CNTNAP2: variants seen among roughly 807,000 people sequenced by gnomAD.
CNTNAP2 encodes the protein contactin-associated protein-like 2.
CNTNAP2 carries 98 observed loss-of-function variants against 155.2 expected under a neutral mutation model. That is an observed-to-expected ratio of 0.63 (90% CI 0.54 to 0.75). The LOEUF (loss-of-function observed/expected upper bound fraction) is 0.75, where lower values mean the gene tolerates loss of function less well. Ranked by LOEUF, CNTNAP2 falls within the 30% of genes least tolerant of loss-of-function variation. The probability of loss-of-function intolerance (pLI) is 0.00; values close to 1 mark genes in which losing one functional copy is unlikely to be tolerated. For synonymous variants in CNTNAP2, 651 were observed against 631.2 expected (o/e 1.03, Z -0.47); for missense variants, 1,727 against 1,688.1 (o/e 1.02, Z -0.40).
intron 1 of CNTNAP2, among the ~76,000 whole-genome samples, chr7:146,130,406 G>A (rs1357893414): frequency 6.6e-6 from 1 of 152,200 alleles, no homozygotes; most frequent in Non-Finnish European, 1.5e-5. Context: ...GGAGTTCAAA[G>A]CTACAGTGAA....
chr7:146,540,799 T>C (rs1797941711), intron 1 of CNTNAP2, among the ~76,000 whole-genome samples: 1 of 152,048 alleles, frequency 6.6e-6, no homozygotes, highest in African/African-American at 2.4e-5. Context: ...TTTAACTTAC[T>C]GTTAGAAAAA....
At chr7:147,201,076 A>G (rs1802912778) in intron 8 of CNTNAP2, among the ~76,000 whole-genome samples, 1 of 152,226 alleles carries the variant, frequency 6.6e-6, no homozygotes, top group Non-Finnish European at 1.5e-5. Flanking sequence ...AGTGGAGGCT[A>G]AAGCCTAATT....
chr7:146,640,984 C>A (rs1483594419), intron 1 of CNTNAP2, among the ~76,000 whole-genome samples: 2 of 152,008 alleles, frequency 1.3e-5, no homozygotes, highest in Non-Finnish European at 2.9e-5. Flanking sequence ...TAAGTAAAAG[C>A]CTAACAAGAA....
chr7:147,079,607 GATA>G (rs199892012), intron 4 of CNTNAP2, among the ~76,000 whole-genome samples: 2,865 of 147,366 alleles, frequency 0.019, 48 homozygotes, highest in Non-Finnish European at 0.028. Flanking sequence ...TAATAATAAT[GATA>G]ATAATAATAA....
At chr7:148,062,801 T>C (rs1378563312) in intron 15 of CNTNAP2, among the ~76,000 whole-genome samples, 1 of 152,110 alleles carries the variant, frequency 6.6e-6, no homozygotes, top group African/African-American at 2.4e-5. Flanking sequence ...TATGTGATGA[T>C]GTAAGAGCAG....
chr7:148,391,289 A>AAAT (rs954101489), intron 22 of CNTNAP2, among the ~76,000 whole-genome samples: 1 of 152,238 alleles, frequency 6.6e-6, no homozygotes, highest in African/African-American at 2.4e-5. Context: ...ATGTCAAGAA[A>AAAT]AATATGAAGG....
intron 21 of CNTNAP2, among the ~76,000 whole-genome samples, chr7:148,335,399 G>A (rs1798100051): frequency 6.6e-6 from 1 of 152,150 alleles, no homozygotes; most frequent in Admixed American, 6.5e-5. Context: ...CTGTTGCTGA[G>A]TGCTGCCAAT....
intron 10 of CNTNAP2, among the ~76,000 whole-genome samples, chr7:147,425,509 C>T (rs1797364466): frequency 6.6e-6 from 1 of 152,008 alleles, no homozygotes; most frequent in Non-Finnish European, 1.5e-5. Flanking sequence ...CAAAATATTC[C>T]ATAAATATCT....
intron 1 of CNTNAP2, among the ~76,000 whole-genome samples, chr7:146,390,493 C>G (rs1259963759): frequency 6.6e-6 from 1 of 151,416 alleles, no homozygotes; most frequent in African/African-American, 2.4e-5. Flanking sequence ...TACAAAGCAA[C>G]CTGCTTAAAC....
chr7:146,184,601 G>T (rs563144854), intron 1 of CNTNAP2, among the ~76,000 whole-genome samples: 1 of 152,156 alleles, frequency 6.6e-6, no homozygotes, highest in Non-Finnish European at 1.5e-5. Context: ...AATACCATAC[G>T]TAGAAGGATT....
In CNTNAP2 at chr7:148,366,770, T is replaced by C. The variant is rs560458472; in HGVS notation, c.3476-16879T>C. 2.0e-5 allele frequency among the ~76,000 whole-genome samples: 3 copies of C among 152,262 alleles called. No homozygotes were observed. The South Asian group carries it at 6.2e-4, about 32-fold the overall frequency. On this transcript the variant is annotated intron_variant, in intron 21 of 23. Transcript: ENST00000361727. ...TACTTTTGCAGAAAGGCAACCATGC[T>C]GTAGAGTCAGTAGCAGAGTTTTCAC...
At chr7:146,173,208 C>G (rs1200139840) in intron 1 of CNTNAP2, among the ~76,000 whole-genome samples, 3 of 151,992 alleles carry the variant, frequency 2.0e-5, no homozygotes, top group Non-Finnish European at 4.4e-5. Flanking sequence ...GTTCAGTTAC[C>G]TTAAGCCTTT....
intron 9 of CNTNAP2, among the ~76,000 whole-genome samples, chr7:147,359,880 C>T (rs1266905587): frequency 6.6e-6 from 1 of 152,086 alleles, no homozygotes; most frequent in Non-Finnish European, 1.5e-5. Context: ...AAAACTCTTA[C>T]CTCTCCTAAT....
chr7:148,311,448 T>C lies in CNTNAP2; in HGVS notation c.3475+44322T>C, dbSNP rs532556357. Among the ~76,000 whole-genome samples the C allele has an allele frequency of 4.0e-5, 6 of 151,026 alleles. 1 individual carries two copies. Among genetic ancestry groups the C allele is most frequent in the African/African-American group, 9.9e-5 (4 of 40,542 alleles). On this transcript the variant is annotated intron_variant, in intron 21 of 23. Transcript: ENST00000361727. Reference sequence around the variant, plus strand: ...GGAGAGGTAGAGGGTGGCAGAGGAATGGGAATGAGAATAAAAGTGAGTATA... The same window carrying C: ...GGAGAGGTAGAGGGTGGCAGAGGAACGGGAATGAGAATAAAAGTGAGTATA...
intron 3 of CNTNAP2, among the ~76,000 whole-genome samples, chr7:147,026,355 C>T (rs1426894928): frequency 1.3e-5 from 2 of 152,012 alleles, no homozygotes; most frequent in Non-Finnish European, 2.9e-5. Context: ...ATGATAGGAT[C>T]CCAAAGTATA....
At chr7:146,660,859 A>G (rs759566961) in intron 1 of CNTNAP2, among the ~76,000 whole-genome samples, 3 of 152,228 alleles carry the variant, frequency 2.0e-5, no homozygotes, top group Middle Eastern at 3.2e-3. Context: ...GAACACACCC[A>G]GTCCCTCAAC....
At chr7:146,288,052 C>T (rs962699253) in intron 1 of CNTNAP2, among the ~76,000 whole-genome samples, 2 of 152,076 alleles carry the variant, frequency 1.3e-5, no homozygotes, top group Non-Finnish European at 2.9e-5. Context: ...CAGTGGCCCA[C>T]ACCCATAATT....
intron 13 of CNTNAP2, among the ~76,000 whole-genome samples, chr7:147,650,962 A>G (rs890370512): frequency 5.9e-5 from 9 of 152,270 alleles, no homozygotes; most frequent in African/African-American, 2.2e-4. Context: ...AAACATTTTG[A>G]TATGTGTATT....
At chr7:147,654,452 A>G (rs1795494829) in intron 13 of CNTNAP2, among the ~76,000 whole-genome samples, 1 of 152,204 alleles carries the variant, frequency 6.6e-6, no homozygotes, top group South Asian at 2.1e-4. Flanking sequence ...TCTGGGAATA[A>G]ACCACTTTCT....
Sources: gnomAD v4.1 joint callset for allele counts (sites outside exome capture counted in the v4.1 genomes callset) on GRCh38, gnomAD v4.1.1 for gene constraint, MANE v1.5 for transcripts, NCBI Gene and HGNC (gene_info 2026-07-23, HGNC 2026-07-21) for gene names.